Variants in HFM1 observed in about 807,000 individuals in gnomAD.
HFM1 encodes probable ATP-dependent DNA helicase HFM1.
A neutral mutation model predicts 192.1 loss-of-function variants in HFM1; 169 were observed. The observed-to-expected ratio is 0.88, with a 90% CI of 0.78 to 1.00. HFM1 has a LOEUF of 1.00. HFM1 is among the 50% of genes least tolerant of loss of function. HFM1 has a pLI of 0.00. For missense variants in HFM1, 1,661 were observed against 1,668.0 expected (o/e 1.00, Z 0.07); for synonymous variants, 525 against 537.8 (o/e 0.98, Z 0.33).
At chr1:91,389,263 G>A (rs1011217894) in intron 4 of HFM1, among the ~76,000 whole-genome samples, 19 of 149,570 alleles carry the variant, frequency 1.3e-4, no homozygotes, top group Middle Eastern at 3.4e-3. Flanking sequence ...CCGGGTTCAA[G>A]TGATTCTCCT....
intron 20 of HFM1, 52 bp from the exon 21 acceptor site, chr1:91,324,818 G>T (rs1652646883): frequency 1.1e-6 from 1 of 924,394 alleles, no homozygotes; most frequent in African/African-American, 1.6e-5. Flanking sequence ...TGAACCAACT[G>T]TTTTTTTATG....
chr1:91,348,535 A>C (rs1450102487), intron 18 of HFM1, among the ~76,000 whole-genome samples: 3 of 152,224 alleles, frequency 2.0e-5, no homozygotes, highest in African/African-American at 4.8e-5. Context: ...TCGTAAGAGC[A>C]AACAATTAGA....
intron 23 of HFM1, 38 bp from the exon 24 acceptor site, chr1:91,319,428 G>GGA: frequency 7.8e-7 from 1 of 1,280,710 alleles, no homozygotes; most frequent in Non-Finnish European, 1.1e-6. Context: ...CCCTTTTAAG[G>GGA]GTTATCTATC....
intron 4 of HFM1, among the ~76,000 whole-genome samples, chr1:91,389,696 G>A (rs1662695884): frequency 6.6e-6 from 1 of 152,076 alleles, no homozygotes; most frequent in Admixed American, 6.5e-5. Flanking sequence ...CCAATCTACA[G>A]TATTTCATTA....
chr1:91,394,234 G>C lies in HFM1; in HGVS notation c.353C>G (p.Ala118Gly). The stretch of plus-strand genomic sequence containing the variant: ...CTGAGAAGCATATGTCAGCTTGCCA[G>C]CAATATGTGATAAGTCATTATTACC... ...GVGNNDLSHI[A>G]GKLTYASQKY... The change falls in exon 4 of 39, where the codon GCT (alanine) becomes GGT (glycine). Residue 118 changes from alanine (A) to glycine (G), a missense_variant. Ala to Gly is a moderately conservative substitution (Grantham distance 60). Coordinates refer to ENST00000370425, the MANE Select transcript of HFM1 (RefSeq NM_001017975.6). The C allele has an allele frequency of 6.3e-7, 1 of 1,599,252 alleles. No homozygotes were observed. Among genetic ancestry groups the C allele is most frequent in the East Asian group, 2.2e-5 (1 of 44,746 alleles).
At chr1:91,375,495 A>G (rs780233056) in intron 12 of HFM1, 32 bp downstream of exon 12, 3 of 1,609,750 alleles carry the variant, frequency 1.9e-6, no homozygotes, top group Non-Finnish European at 2.6e-6. Context: ...AAAACTGAAT[A>G]TACTAAAAAA....
intron 9 of HFM1, 37 bp downstream of exon 9, chr1:91,379,026 C>G (rs552754650): frequency 1.4e-5 from 18 of 1,316,500 alleles, no homozygotes; most frequent in Non-Finnish European, 1.8e-5. Context: ...TATTTTCTAA[C>G]AAACTAAAGA....
chr1:91,279,870 T>G (rs1667302829), intron 30 of HFM1, among the ~76,000 whole-genome samples: 1 of 152,110 alleles, frequency 6.6e-6, no homozygotes, highest in East Asian at 1.9e-4. Context: ...ATTGAATGTA[T>G]TTACAGAAAA....
At chr1:91,367,129 C>T (rs1051791210) in intron 13 of HFM1, among the ~76,000 whole-genome samples, 92 of 152,304 alleles carry the variant, frequency 6.0e-4, no homozygotes, top group African/African-American at 2.2e-3. Context: ...CTGGGTGGAG[C>T]GCACCGCAGC....
intron 30 of HFM1, among the ~76,000 whole-genome samples, chr1:91,305,116 CTTCT>C (rs1371356756): frequency 3.9e-5 from 6 of 152,072 alleles, no homozygotes; most frequent in Admixed American, 6.6e-5. Context: ...CTCTACCTTC[CTTCT>C]TTTTCTTTTC....
intron 20 of HFM1, among the ~76,000 whole-genome samples, chr1:91,342,105 T>C (rs1313339148): frequency 8.1e-6 from 1 of 124,076 alleles, no homozygotes; most frequent in Admixed American, 9.6e-5. Context: ...AGCATCATTC[T>C]GATACCAAAA....
At chr1:91,282,178 T>C (rs1322505175) in intron 30 of HFM1, among the ~76,000 whole-genome samples, 2 of 152,212 alleles carry the variant, frequency 1.3e-5, no homozygotes, top group Non-Finnish European at 2.9e-5. Flanking sequence ...ATAAGTTAGA[T>C]ACTGGGTTCT....
Position 91,310,083 on chromosome 1 carries a change from T to C in HFM1, c.3391+3266A>G, listed in dbSNP as rs76648544. ...ACTCAAAAGGACTCAGGAGTTAATC[T>C]GGTATATCTAGATGGTATGAAGATG... is the stretch of plus-strand genomic sequence containing the variant. On this transcript the variant is annotated intron_variant, in intron 30 of 38. Coordinates refer to ENST00000370425, the MANE Select transcript of HFM1 (RefSeq NM_001017975.6). Among the ~76,000 whole-genome samples, 383 of 152,162 alleles carry C rather than the reference T, an allele frequency of 2.5e-3. 3 individuals carry two copies. Among genetic ancestry groups the C allele is most frequent in the African/African-American group, 8.6e-3 (356 of 41,532 alleles).
intron 20 of HFM1, chr1:91,328,942 C>T (rs1653365017): frequency 4.3e-6 from 7 of 1,611,948 alleles, no homozygotes. Flanking sequence ...CCTTCGGCAG[C>T]CCTGTGCTAA....
chr1:91,296,787 T>A (rs1343172848), intron 30 of HFM1, among the ~76,000 whole-genome samples: 1 of 152,192 alleles, frequency 6.6e-6, no homozygotes, highest in Admixed American at 6.5e-5. Context: ...GTAAATGCTG[T>A]TTTAGAATTA....
At chr1:91,353,362 G>C in intron 13 of HFM1, 63 bp from the exon 14 acceptor site, 1 of 935,100 alleles carries the variant, frequency 1.1e-6, no homozygotes, top group African/African-American at 1.7e-5. Flanking sequence ...CTCTGAAACA[G>C]TTTATTATTT....
chr1:91,286,807 C>T (rs553090752), intron 30 of HFM1, among the ~76,000 whole-genome samples: 62 of 152,286 alleles, frequency 4.1e-4, no homozygotes, highest in Middle Eastern at 3.4e-3. Context: ...TGCAGTGCAC[C>T]GTGCGCCAGC....
chr1:91,271,948 A>C (rs72726267), intron 34 of HFM1, among the ~76,000 whole-genome samples: 25,071 of 152,094 alleles, frequency 0.16, 2,548 homozygotes, highest in Non-Finnish European at 0.24. Flanking sequence ...ATAAAATGAG[A>C]AATTGCATAA....
intron 25 of HFM1, among the ~76,000 whole-genome samples, chr1:91,317,135 T>C (rs1034175700): frequency 5.3e-5 from 8 of 152,068 alleles, no homozygotes; most frequent in African/African-American, 1.7e-4. Flanking sequence ...TCAAATTCGG[T>C]TGGGCCCAGT....
Sources: allele counts gnomAD v4.1 joint callset (sites outside exome capture counted in the v4.1 genomes callset), GRCh38; gene constraint gnomAD v4.1.1; transcripts MANE v1.5; gene names NCBI Gene and HGNC (gene_info 2026-07-23, HGNC 2026-07-21).